Variants in TNR observed in about 807,000 individuals in gnomAD.
The protein encoded by TNR is tenascin R, also known as tenascin-R.
A neutral mutation model predicts 150.4 loss-of-function variants in TNR; 45 were observed. That is an observed-to-expected ratio of 0.30 (90% CI 0.24 to 0.38). TNR has a LOEUF of 0.38. Among genes scored for constraint, TNR ranks in the 10% least tolerant of loss-of-function variants. The pLI is 1.00. For synonymous variants in TNR, 687 were observed against 678.4 expected, an observed-to-expected ratio of 1.01 and a Z score of -0.20; for missense variants, 1,544 against 1,759.1, an observed-to-expected ratio of 0.88 and a Z score of 2.19.
chr1:175,429,617 C>T, intron 2 of TNR, among the ~76,000 whole-genome samples: 2 of 152,246 alleles, frequency 1.3e-5, no homozygotes, highest in Admixed American at 1.3e-4. Flanking sequence ...AACCAAAGGG[C>T]CTTCTTTTAA....
At chr1:175,694,863 TC>T (rs1171293401) in intron 1 of TNR, among the ~76,000 whole-genome samples, 1 of 152,238 alleles carries the variant, frequency 6.6e-6, no homozygotes, top group Non-Finnish European at 1.5e-5. Flanking sequence ...CACCTTGATC[TC>T]AGACTTCTAG....
At chr1:175,563,045 A>G (rs1438720491) in intron 1 of TNR, among the ~76,000 whole-genome samples, 1 of 152,236 alleles carries the variant, frequency 6.6e-6, no homozygotes, top group Non-Finnish European at 1.5e-5. Context: ...TCAGCCAAGC[A>G]AGGCAATGTA....
intron 1 of TNR, among the ~76,000 whole-genome samples, chr1:175,718,658 C>G (rs59721982): frequency 0.01 from 1,582 of 152,326 alleles, 23 homozygotes; most frequent in African/African-American, 0.036. Context: ...GACAAATAAA[C>G]TGAGACCGCA....
intron 1 of TNR, among the ~76,000 whole-genome samples, chr1:175,737,608 T>C (rs2101959741): frequency 6.6e-6 from 1 of 152,332 alleles, no homozygotes; most frequent in African/African-American, 2.4e-5. Context: ...AGGACCAATG[T>C]TCCAGACTTC....
chr1:175,558,183 T>C (rs1661259440), intron 1 of TNR, among the ~76,000 whole-genome samples: 1 of 137,672 alleles, frequency 7.3e-6, no homozygotes, highest in South Asian at 2.7e-4. Context: ...GATGACGAGT[T>C]AGTGGGTGCA....
intron 2 of TNR, among the ~76,000 whole-genome samples, chr1:175,413,962 G>A (rs771950132): frequency 1.6e-4 from 24 of 152,112 alleles, no homozygotes; most frequent in Non-Finnish European, 2.4e-4. Flanking sequence ...GCGAAACCAT[G>A]CCTTTACAAA....
intron 1 of TNR, among the ~76,000 whole-genome samples, chr1:175,644,296 G>GATCT (rs1353348202): frequency 6.6e-6 from 1 of 152,154 alleles, no homozygotes; most frequent in East Asian, 1.9e-4. Context: ...GTTTATTGCA[G>GATCT]ATCTAATCAG....
chr1:175,424,720 A>G (rs561794811), intron 2 of TNR, among the ~76,000 whole-genome samples: 1 of 152,268 alleles, frequency 6.6e-6, no homozygotes, highest in South Asian at 2.1e-4. Flanking sequence ...CAGGCTACAT[A>G]GGGATGCAAA....
intron 2 of TNR, among the ~76,000 whole-genome samples, chr1:175,438,808 A>G (rs1365112026): frequency 2.6e-5 from 4 of 152,208 alleles, no homozygotes; most frequent in Non-Finnish European, 4.4e-5. Flanking sequence ...CTAGGAATCC[A>G]ACTTACAAGG....
At chr1:175,664,660 G>A (rs941733148) in intron 1 of TNR, among the ~76,000 whole-genome samples, 16 of 152,276 alleles carry the variant, frequency 1.1e-4, no homozygotes, top group South Asian at 2.1e-4. Flanking sequence ...CATACTGTCC[G>A]TTCCAATGAC....
intron 2 of TNR, among the ~76,000 whole-genome samples, chr1:175,450,393 T>C (rs990643492): frequency 6.6e-6 from 1 of 152,178 alleles, no homozygotes; most frequent in African/African-American, 2.4e-5. Flanking sequence ...TGGAGATATT[T>C]AGGTAGAATC....
intron 1 of TNR, among the ~76,000 whole-genome samples, chr1:175,719,631 C>T (rs1667246921): frequency 6.6e-6 from 1 of 152,196 alleles, no homozygotes; most frequent in Non-Finnish European, 1.5e-5. Context: ...TCTTGCCTAG[C>T]CCCTGGCTGC....
intron 1 of TNR, among the ~76,000 whole-genome samples, chr1:175,594,179 G>A (rs115543567): frequency 6.6e-6 from 1 of 152,084 alleles, no homozygotes; most frequent in East Asian, 1.9e-4. Context: ...ATTTTCCAGG[G>A]TCTTCCTGAT....
intron 2 of TNR, among the ~76,000 whole-genome samples, chr1:175,494,513 C>G (rs1426371927): frequency 6.6e-6 from 1 of 152,136 alleles, no homozygotes; most frequent in South Asian, 2.1e-4. Context: ...GCCTGTCTAC[C>G]TGGGGAGGAC....
intron 1 of TNR, among the ~76,000 whole-genome samples, chr1:175,656,360 C>G (rs1253675456): frequency 6.6e-6 from 1 of 152,150 alleles, no homozygotes; most frequent in Non-Finnish European, 1.5e-5. Flanking sequence ...CATAAGCTGT[C>G]AGACGAAAAT....
At chr1:175,659,067 C>A (rs144866200) in intron 1 of TNR, among the ~76,000 whole-genome samples, 1 of 152,334 alleles carries the variant, frequency 6.6e-6, no homozygotes, top group Non-Finnish European at 1.5e-5. Flanking sequence ...GCCCCTGACT[C>A]TACTTCCAAA....
chr1:175,542,260 C>T (rs535391558), intron 1 of TNR, among the ~76,000 whole-genome samples: 3 of 152,314 alleles, frequency 2.0e-5, no homozygotes, highest in South Asian at 4.2e-4. Flanking sequence ...ATACTATACC[C>T]CTCCTCTCTG....
intron 6 of TNR, among the ~76,000 whole-genome samples, chr1:175,391,688 C>G (rs1318972408): frequency 6.6e-6 from 1 of 152,176 alleles, no homozygotes; most frequent in Non-Finnish European, 1.5e-5. Flanking sequence ...TTTCTTTGGC[C>G]ACTCCTGAGT....
In TNR at chr1:175,465,448, A is replaced by G. The variant is rs533179031; in HGVS notation, c.-63-58671T>C. On this transcript the variant is annotated intron_variant, in intron 2 of 22. Transcript: ENST00000367674. ...GTAGATTTTCAAGCATATTGATCAT[A>G]AAGCAGCTAAGTGTCCTTATGGGAT... Among the ~76,000 whole-genome samples the G allele has an allele frequency of 3.9e-5, 6 of 152,344 alleles. No individual in the cohort carries two copies. In the South Asian group the frequency reaches 1.0e-3, roughly 26 times the overall value.
Sources: gnomAD v4.1 joint callset for allele counts (sites outside exome capture counted in the v4.1 genomes callset) on GRCh38, gnomAD v4.1.1 for gene constraint, MANE v1.5 for transcripts, NCBI Gene and HGNC (gene_info 2026-07-23, HGNC 2026-07-21) for gene names.